ADAMTS17: variants seen among roughly 807,000 people sequenced by gnomAD.
ADAMTS17 encodes the protein A disintegrin and metalloproteinase with thrombospondin motifs 17.
A neutral mutation model predicts 141.5 loss-of-function variants in ADAMTS17; 113 were observed. The observed-to-expected ratio is 0.80, with a 90% confidence interval of 0.69 to 0.93. The LOEUF (loss-of-function observed/expected upper bound fraction) is 0.93. ADAMTS17 is among the 40% of genes least tolerant of loss of function. The probability of loss-of-function intolerance (pLI) is 0.00; values close to 1 mark genes in which losing one functional copy is unlikely to be tolerated. For missense variants in ADAMTS17, 1,659 were observed against 1,517.9 expected (o/e 1.09, Z -1.54); for synonymous variants, 768 against 630.6 (o/e 1.22, Z -3.27).
chr15:100,068,213 C>T (rs1040781024), intron 15 of ADAMTS17, among the ~76,000 whole-genome samples: 1 of 152,150 alleles, frequency 6.6e-6, no homozygotes, highest in African/African-American at 2.4e-5. Context: ...GGAGGGGCGC[C>T]CGCCATTGTC....
At chr15:100,276,343 T>A (rs1458326680) in intron 4 of ADAMTS17, among the ~76,000 whole-genome samples, 2 of 18,108 alleles carry the variant, frequency 1.1e-4, no homozygotes, top group South Asian at 2.7e-3. Context: ...GGTGGGAGGG[T>A]GTGGGTGCCT....
intron 3 of ADAMTS17, among the ~76,000 whole-genome samples, chr15:100,285,892 C>G (rs11858696): frequency 0.15 from 22,698 of 152,118 alleles, 2,618 homozygotes; most frequent in African/African-American, 0.33. Context: ...CCTGCACAGA[C>G]CAGGGTGGTC....
chr15:100,132,103 A>G lies in ADAMTS17; in HGVS notation c.1625T>C (p.Val542Ala). 6.2e-7 allele frequency: 1 copy of G among 1,614,150 alleles called. No homozygotes were observed. The highest frequency in any genetic ancestry group is 8.5e-7 in the Non-Finnish European group (1 of 1,180,032). ...CVSKTPIPEH[V>A]DGDWSPWGAW... is the part of the protein sequence containing the mutation. The stretch of plus-strand genomic sequence containing the variant: ...GCCCCACGGGCTCCAGTCTCCGTCC[A>G]CATGCTCCGGGATGGGCGTCTTGCT... Residue 542 changes from valine (V) to alanine (A), a missense_variant, in exon 12 of 22, where the codon GTG becomes GCG. Transcript: ENST00000268070.
chr15:100,340,445 T>C (rs917679447), intron 2 of ADAMTS17, among the ~76,000 whole-genome samples: 4 of 152,036 alleles, frequency 2.6e-5, no homozygotes, highest in African/African-American at 9.7e-5. Flanking sequence ...CTACTAATAG[T>C]ATAAGGAAGC....
chr15:100,176,729 G>A (rs892944467), intron 8 of ADAMTS17, among the ~76,000 whole-genome samples: 3 of 152,106 alleles, frequency 2.0e-5, no homozygotes, highest in South Asian at 4.1e-4. Flanking sequence ...AAACTTAACT[G>A]TATCATCACC....
chr15:100,337,823 C>T (rs1017556716), intron 2 of ADAMTS17, among the ~76,000 whole-genome samples: 8 of 152,234 alleles, frequency 5.3e-5, no homozygotes, highest in Non-Finnish European at 8.8e-5. Context: ...CAGAGCCTGA[C>T]GCTCATGCTG....
intron 15 of ADAMTS17, 94 bp from the exon 16 acceptor site, chr15:100,054,148 A>T (rs2032370511): frequency 7.0e-7 from 1 of 1,433,400 alleles, no homozygotes; most frequent in Non-Finnish European, 9.8e-7. Flanking sequence ...TGAGTGGGGC[A>T]GAGGTCTCCC....
At position 99,973,883 on chromosome 15, in the gene ADAMTS17, A is replaced by G. The variant is rs886050966; in HGVS notation, c.*519T>C. The G allele has an allele frequency of 2.7e-4, 57 of 214,794 alleles. No homozygotes were observed. The highest frequency in any genetic ancestry group is 4.5e-4 in the Non-Finnish European group (48 of 106,156). 13.3% of individuals were successfully genotyped at this position (214,794 alleles called of 1,614,324 possible). On this transcript the variant is annotated 3_prime_UTR_variant, in exon 22 of 22. Coordinates refer to ENST00000268070, the MANE Select transcript of ADAMTS17 (RefSeq NM_139057.4). ...CGTCCTGGTTCTCATGTGGTCAAGA[A>G]GGTAGATGGAGAGAAACGTGTGCTA...
chr15:100,091,023 A>AAAAAAAAAAAAAAAAAAC (rs2035433229), intron 15 of ADAMTS17, among the ~76,000 whole-genome samples: 1 of 149,418 alleles, frequency 6.7e-6, no homozygotes. Flanking sequence ...AAAAAAAAAA[A>AAAAAAAAAAAAAAAAAAC]AAAAAGGGTA....
rs1481268750 is a variant in ADAMTS17, at chr15:100,032,015, C to T, written c.2591+16842G>A. 3.9e-5 allele frequency among the ~76,000 whole-genome samples: 6 copies of T among 152,302 alleles called. No individual in the cohort carries two copies. In the South Asian group the frequency reaches 8.3e-4, roughly 21 times the overall value. ...GAATGACGGAGGTGTCCTGTCTATA[C>T]GCGGCACTTGGTACAGGTAGATGCA... On this transcript the variant is annotated intron_variant, in intron 18 of 21. Coordinates refer to ENST00000268070, the MANE Select transcript of ADAMTS17 (RefSeq NM_139057.4).
chr15:100,048,952 G>C lies in ADAMTS17; in HGVS notation c.2496C>G (p.Asn832Lys), dbSNP rs528355890. 5.0e-6 allele frequency: 8 copies of C among 1,614,166 alleles called. No individual in the cohort carries two copies. The African/African-American group carries it at 6.7e-5, about 13-fold the overall frequency. ...RTIVSCTRIV[N>K]KTTTLVNDSD... Reference sequence around the variant, plus strand: ...TGTCGTTCACCAGAGTTGTGGTCTTGTTGACAATCCGTGTACACGAGACGA... The same window carrying C: ...TGTCGTTCACCAGAGTTGTGGTCTTCTTGACAATCCGTGTACACGAGACGA... The change falls in exon 18 of 22, where the codon AAC becomes AAG. Residue 832 changes from asparagine to lysine, a missense_variant. Transcript: ENST00000268070.
chr15:100,218,417 C>A (rs75399105), intron 7 of ADAMTS17, among the ~76,000 whole-genome samples: 3,823 of 152,232 alleles, frequency 0.025, 160 homozygotes, highest in African/African-American at 0.082. Flanking sequence ...TTTGAATGGG[C>A]AAATGATCTA....
intron 7 of ADAMTS17, among the ~76,000 whole-genome samples, chr15:100,252,454 G>A (rs142348761): frequency 0.024 from 3,663 of 152,286 alleles, 66 homozygotes; most frequent in South Asian, 0.036. Flanking sequence ...AGCGCCACAC[G>A]ATTGAGAGAT....
At chr15:100,095,038 C>T (rs2035677788) in intron 15 of ADAMTS17, among the ~76,000 whole-genome samples, 1 of 152,148 alleles carries the variant, frequency 6.6e-6, no homozygotes, top group Non-Finnish European at 1.5e-5. Flanking sequence ...GAAAGATGAA[C>T]TTTTAAGTTG....
intron 10 of ADAMTS17, among the ~76,000 whole-genome samples, chr15:100,146,358 C>T: frequency 6.6e-6 from 1 of 152,180 alleles, no homozygotes; most frequent in Non-Finnish European, 1.5e-5. Context: ...TTTATAATTT[C>T]TTATGCCTGT....
At chr15:100,216,371 C>T (rs1244299969) in intron 7 of ADAMTS17, among the ~76,000 whole-genome samples, 9 of 152,170 alleles carry the variant, frequency 5.9e-5, no homozygotes, top group Non-Finnish European at 7.3e-5. Flanking sequence ...TAGTTGCCAG[C>T]GTAGAGGCTG....
At chr15:100,141,543 T>C (rs917692255) in intron 10 of ADAMTS17, among the ~76,000 whole-genome samples, 4 of 152,188 alleles carry the variant, frequency 2.6e-5, no homozygotes, top group Admixed American at 1.3e-4. Context: ...CACATACTAC[T>C]GCAGTGTGAA....
chr15:100,235,512 C>A (rs892423377), intron 7 of ADAMTS17, among the ~76,000 whole-genome samples: 1 of 152,016 alleles, frequency 6.6e-6, no homozygotes, highest in Non-Finnish European at 1.5e-5. Flanking sequence ...CAAAATTAAG[C>A]GTGTGTCAGA....
At chr15:100,282,956 T>C (rs550284310) in intron 3 of ADAMTS17, among the ~76,000 whole-genome samples, 1 of 152,192 alleles carries the variant, frequency 6.6e-6, no homozygotes, top group African/African-American at 2.4e-5. Flanking sequence ...CTAAAACACC[T>C]AGGAAGAACC....
Sources: allele counts gnomAD v4.1 joint callset (sites outside exome capture counted in the v4.1 genomes callset), GRCh38; gene constraint gnomAD v4.1.1; transcripts MANE v1.5; gene names NCBI Gene and HGNC (gene_info 2026-07-23, HGNC 2026-07-21).